TENM4: variants seen among roughly 807,000 people sequenced by gnomAD.
TENM4 encodes teneurin-4.
TENM4 carries 82 observed loss-of-function variants against 243.3 expected under a neutral mutation model. The observed-to-expected ratio is 0.34, with a 90% CI of 0.28 to 0.40. TENM4 has a LOEUF of 0.40. Among genes scored for constraint, TENM4 ranks in the 10% least tolerant of loss-of-function variants. The pLI is 1.00. For synonymous variants in TENM4, 1,412 were observed against 1,456.3 expected, an observed-to-expected ratio of 0.97 and a Z score of 0.69; for missense variants, 3,138 against 3,673.3, an observed-to-expected ratio of 0.85 and a Z score of 3.77.
At chr11:78,846,720 C>CTCAAGGCT (rs60600241) in intron 12 of TENM4, among the ~76,000 whole-genome samples, 45,539 of 151,912 alleles carry the variant, frequency 0.3, 7,840 homozygotes, top group Middle Eastern at 0.38. Context: ...ACCTCAAGGC[C>CTCAAGGCT]AAGTACCATG....
At chr11:79,412,132 C>T (rs1409565504) in intron 1 of TENM4, among the ~76,000 whole-genome samples, 3 of 152,148 alleles carry the variant, frequency 2.0e-5, no homozygotes, top group Non-Finnish European at 2.9e-5. Flanking sequence ...GGAGCCCTCC[C>T]GAACACCCCA....
At chr11:79,015,121 T>C (rs377460814) in intron 6 of TENM4, among the ~76,000 whole-genome samples, 93 of 152,340 alleles carry the variant, frequency 6.1e-4, no homozygotes, top group African/African-American at 2.2e-3. Context: ...ACAGTAATGA[T>C]GCTAGTGATC....
At chr11:78,873,099 C>A (rs1214004797) in intron 9 of TENM4, among the ~76,000 whole-genome samples, 3 of 152,204 alleles carry the variant, frequency 2.0e-5, no homozygotes, top group Non-Finnish European at 4.4e-5. Context: ...CACCCTACAG[C>A]TTCCCAGTCT....
chr11:79,060,159 C>T (rs995277264), intron 6 of TENM4, among the ~76,000 whole-genome samples: 1 of 152,194 alleles, frequency 6.6e-6, no homozygotes, highest in East Asian at 1.9e-4. Context: ...CTATTGCATG[C>T]CGACTGTTCC....
intron 4 of TENM4, among the ~76,000 whole-genome samples, chr11:79,114,662 T>C (rs988643519): frequency 4.6e-5 from 7 of 152,198 alleles, no homozygotes; most frequent in Non-Finnish European, 4.4e-5. Flanking sequence ...TGTCTTGAAA[T>C]TCTTTATTTT....
intron 1 of TENM4, among the ~76,000 whole-genome samples, chr11:79,347,189 G>T (rs1857339464): frequency 6.6e-6 from 1 of 152,168 alleles, no homozygotes. Flanking sequence ...AAATAAACAT[G>T]CAGGCCACGT....
At chr11:78,665,153 TTTC>T (rs1450244472) in intron 32 of TENM4, among the ~76,000 whole-genome samples, 6 of 151,982 alleles carry the variant, frequency 3.9e-5, no homozygotes, top group African/African-American at 1.4e-4. Flanking sequence ...CCTTCTTTCT[TTTC>T]TTTTCTTTCT....
At chr11:79,347,475 T>C (rs1183086537) in intron 1 of TENM4, among the ~76,000 whole-genome samples, 1 of 152,200 alleles carries the variant, frequency 6.6e-6, no homozygotes, top group East Asian at 1.9e-4. Context: ...TGACTCACTT[T>C]AGGGCCAGGG....
Position 78,884,526 on chromosome 11 carries a change from C to T in TENM4, c.1084+5259G>A, listed in dbSNP as rs548764941. Among the ~76,000 whole-genome samples the T allele has an allele frequency of 1.4e-3, 215 of 152,266 alleles. 1 individual carries two copies. Among genetic ancestry groups the T allele is most frequent in the African/African-American group, 5.0e-3 (206 of 41,550 alleles). On this transcript the variant is annotated intron_variant, in intron 9 of 33. Coordinates refer to ENST00000278550, the MANE Select transcript of TENM4 (RefSeq NM_001098816.3). Reference sequence around the variant, plus strand: ...TGAAATCCCAAGTCTTGGTTGCATCCCAGCTATGTCATATACTGGCTATGT... The same window carrying T: ...TGAAATCCCAAGTCTTGGTTGCATCTCAGCTATGTCATATACTGGCTATGT...
At chr11:78,727,408 C>T (rs1351846600) in intron 22 of TENM4, among the ~76,000 whole-genome samples, 1 of 150,864 alleles carries the variant, frequency 6.6e-6, no homozygotes, top group African/African-American at 2.4e-5. Context: ...TGCATTCCAT[C>T]CTGACGACAG....
rs1163476317 is a variant in TENM4, at chr11:78,658,115, C to G, written c.8253G>C (p.Leu2751=). ...FVISVEQYPE[L]SDSANNIHFM... is the part of the protein sequence containing the mutation. Reference sequence around the variant, plus strand: ...AGTGGATGTTGTTGGCGCTGTCTGACAGTTCTGGGTACTGCTCGACAGAGA... The same window carrying G: ...AGTGGATGTTGTTGGCGCTGTCTGAGAGTTCTGGGTACTGCTCGACAGAGA... Residue 2751 remains leucine (L), a synonymous_variant, in exon 34 of 34, where the codon CTG becomes CTC. Coordinates refer to ENST00000278550, the MANE Select transcript of TENM4 (RefSeq NM_001098816.3). The G allele has an allele frequency of 1.2e-6, 2 of 1,614,064 alleles. No homozygotes were observed. The highest frequency in any genetic ancestry group is 2.2e-5 in the South Asian group (2 of 91,088).
chr11:78,819,211 T>G (rs994136238), intron 12 of TENM4, among the ~76,000 whole-genome samples: 1 of 152,158 alleles, frequency 6.6e-6, no homozygotes, highest in Non-Finnish European at 1.5e-5. Context: ...GGGAACCCAC[T>G]GCGGTGCCCG....
intron 6 of TENM4, among the ~76,000 whole-genome samples, chr11:78,984,063 T>A (rs915916078): frequency 6.6e-6 from 1 of 152,180 alleles, no homozygotes; most frequent in African/African-American, 2.4e-5. Flanking sequence ...GGACTCTGGC[T>A]TTCTCTGGGC....
rs190173025 is a variant in TENM4, at chr11:79,344,201, C to T, written c.-320-46658G>A. 1.9e-3 allele frequency among the ~76,000 whole-genome samples: 285 copies of T among 152,252 alleles called. 1 individual carries two copies. The highest frequency in any genetic ancestry group is 6.3e-3 in the African/African-American group (260 of 41,522). On this transcript the variant is annotated intron_variant, in intron 1 of 33. Transcript: ENST00000278550. ...CATATGGAAACTCACTCATACTGCC[C>T]GAGTCTCCCAATTTCCAGGCTAAGT...
At chr11:79,318,822 G>T (rs1856843477) in intron 1 of TENM4, among the ~76,000 whole-genome samples, 1 of 152,092 alleles carries the variant, frequency 6.6e-6, no homozygotes, top group Non-Finnish European at 1.5e-5. Context: ...ATTAACACTT[G>T]GTTCTCATGA....
rs1046331619 is a variant in TENM4, at chr11:79,027,108, A to G, written c.493+37630T>C. 7.2e-5 allele frequency among the ~76,000 whole-genome samples: 11 copies of G among 152,222 alleles called. 1 individual carries two copies. The highest frequency in any genetic ancestry group is 1.9e-4 in the African/African-American group (8 of 41,460). ...AAGAAGTAAATGTGGGTTGAACAAGAGACTTAAACTTGGAATTATCCAGAC... is the reference window on the plus strand; with the variant it reads ...AAGAAGTAAATGTGGGTTGAACAAGGGACTTAAACTTGGAATTATCCAGAC... On this transcript the variant is annotated intron_variant, in intron 6 of 33. Transcript: ENST00000278550.
At position 79,373,322 on chromosome 11, in the gene TENM4, CTGGCTGGCTGGATGGA is replaced by C. The variant is rs1247012094; in HGVS notation, c.-321+67171_-321+67186del. 2.3e-3 allele frequency among the ~76,000 whole-genome samples: 247 copies of C among 109,574 alleles called. 4 individuals carry two copies. In the East Asian group the frequency reaches 0.052, roughly 23 times the overall value. The allele number at this position is 109,574 out of a possible 152,430, so 71.9% of individuals were successfully genotyped here. Reference sequence around the variant, plus strand: ...GCTGGCTGGCTGGCTGGCTGGCTGGCTGGCTGGCTGGATGGATGGATGGATGGATGGATCGATAAAT... The same window carrying C: ...GCTGGCTGGCTGGCTGGCTGGCTGGCTGGATGGATGGATGGATCGATAAAT... On this transcript the variant is annotated intron_variant, in intron 1 of 33. Coordinates refer to ENST00000278550, the MANE Select transcript of TENM4 (RefSeq NM_001098816.3).
At chr11:79,306,828 A>G (rs377313741) in intron 1 of TENM4, among the ~76,000 whole-genome samples, 47 of 152,266 alleles carry the variant, frequency 3.1e-4, no homozygotes, top group African/African-American at 9.6e-4. Flanking sequence ...TTCCAGCCCA[A>G]TGATGCCCCC....
chr11:79,095,970 C>A (rs1861066535), intron 4 of TENM4: 2 of 152,218 alleles, frequency 1.3e-5, no homozygotes, highest in African/African-American at 2.4e-5. Flanking sequence ...GAGGGTCTCT[C>A]ATGTGCCATC....
Sources: allele counts gnomAD v4.1 joint callset (sites outside exome capture counted in the v4.1 genomes callset), GRCh38; gene constraint gnomAD v4.1.1; transcripts MANE v1.5; gene names NCBI Gene and HGNC (gene_info 2026-07-23, HGNC 2026-07-21).